Variants in PLEKHG1 observed in about 807,000 individuals in gnomAD.
The protein encoded by PLEKHG1 is pleckstrin homology and RhoGEF domain containing G1.
PLEKHG1 carries 44 observed loss-of-function variants against 100.8 expected under a neutral mutation model. That is an observed-to-expected ratio of 0.44 (90% CI 0.34 to 0.56). PLEKHG1 has a LOEUF of 0.56. Among genes scored for constraint, PLEKHG1 ranks in the 20% least tolerant of loss-of-function variants. PLEKHG1 has a pLI of 0.01. For missense variants in PLEKHG1, 1,545 were observed against 1,720.9 expected, an observed-to-expected ratio of 0.90 and a Z score of 1.81; for synonymous variants, 640 against 662.5, an observed-to-expected ratio of 0.97 and a Z score of 0.52.
chr6:150,830,759 C>A (rs150050788), exon 15 of PLEKHG1: 32 of 1,614,026 alleles, frequency 2.0e-5, no homozygotes, highest in Non-Finnish European at 2.6e-5. Flanking sequence ...ACGGTCCCCG[C>A]AGGAGAATGA....
At chr6:150,719,477 G>T (rs1394879341), upstream of PLEKHG1, among the ~76,000 whole-genome samples, 1 of 152,144 alleles carries the variant, frequency 6.6e-6, no homozygotes, top group African/African-American at 2.4e-5. Context: ...GTATAGGAAG[G>T]TTCCCTGCCC....
chr6:150,753,203 G>A (rs1478241011), intron 2 of PLEKHG1, among the ~76,000 whole-genome samples: 35 of 152,090 alleles, frequency 2.3e-4, no homozygotes, highest in Admixed American at 1.6e-3. Context: ...CCCCACCCCC[G>A]TAAAGTAGAC....
rs889195551 is a variant in PLEKHG1, at chr6:150,600,317, G to GGT, written c.-204+301_-204+302dup. ...TGCTGCCCGCCGCCGCCCCGCTTGG[G>GGT]GTTCCGCGCCCCCAAGTTCCCGGTG... On this transcript the variant is annotated intron_variant, in intron 1 of 3. Transcript: ENST00000367326. The surrounding 1 kb of genome is among the most constrained non-coding windows in gnomAD (Gnocchi z 6.2). Among the ~76,000 whole-genome samples, 4 of 151,926 alleles carry GGT rather than the reference G, an allele frequency of 2.6e-5. No individual in the cohort carries two copies. Among genetic ancestry groups the GGT allele is most frequent in the African/African-American group, 9.7e-5 (4 of 41,396 alleles).
intron 1 of PLEKHG1, among the ~76,000 whole-genome samples, chr6:150,608,509 A>G (rs1213042710): frequency 6.6e-6 from 1 of 152,258 alleles, no homozygotes; most frequent in African/African-American, 2.4e-5. Flanking sequence ...ACAGCTAGCA[A>G]TAACTATTCT....
exon 15 of PLEKHG1, chr6:150,830,824 G>C (rs1475812198): frequency 6.2e-7 from 1 of 1,614,050 alleles, no homozygotes; most frequent in African/African-American, 1.3e-5. Context: ...CCTCAGATCT[G>C]AACTCTACCA....
chr6:150,830,542 TG>T, intron 14 of PLEKHG1, 39 bp from the exon 16 acceptor site: 1 of 1,429,116 alleles, frequency 7.0e-7, no homozygotes, highest in Non-Finnish European at 9.6e-7. Context: ...GTCTTCTCCA[TG>T]GTGCTGTGAT....
chr6:150,774,226 A>G (rs1466322077), intron 3 of PLEKHG1, among the ~76,000 whole-genome samples: 3 of 152,158 alleles, frequency 2.0e-5, no homozygotes, highest in Admixed American at 1.3e-4. Flanking sequence ...CCTATACAAT[A>G]TTGTTTAGAC....
chr6:150,768,458 G>A lies in PLEKHG1; in HGVS notation c.412-180G>A, dbSNP rs56102099. 7.2e-3 allele frequency among the ~76,000 whole-genome samples: 1,089 copies of A among 152,272 alleles called. 11 individuals are homozygous for A. The highest frequency in any genetic ancestry group is 0.025 in the African/African-American group (1,039 of 41,538). ...CTCTTTCTCTTTCCTAAAACTCTTCGTTCTATAAATAGGTGAGTATTAGGG... is the reference window on the plus strand; with the variant it reads ...CTCTTTCTCTTTCCTAAAACTCTTCATTCTATAAATAGGTGAGTATTAGGG... On this transcript the variant is annotated intron_variant, in intron 2 of 15. Transcript: ENST00000358517.
At chr6:150,814,870 C>G (rs894814813) in intron 10 of PLEKHG1, among the ~76,000 whole-genome samples, 1 of 152,102 alleles carries the variant, frequency 6.6e-6, no homozygotes, top group African/African-American at 2.4e-5. Context: ...CAGGCGCACA[C>G]CACCACACCT....
In PLEKHG1 at chr6:150,754,879, G is replaced by A. The variant is rs539642012; in HGVS notation, c.412-13759G>A. ...GAGACAGGATTTCTCTGTGCTGGTCGGGCTAGTCTCAAACTCCCGACCTCA... is the reference window on the plus strand; with the variant it reads ...GAGACAGGATTTCTCTGTGCTGGTCAGGCTAGTCTCAAACTCCCGACCTCA... On this transcript the variant is annotated intron_variant, in intron 2 of 15. Coordinates refer to ENST00000358517, the Ensembl canonical transcript of PLEKHG1. 1.2e-4 allele frequency among the ~76,000 whole-genome samples: 18 copies of A among 152,092 alleles called. No homozygotes were observed. In the South Asian group the frequency reaches 3.3e-3, roughly 28 times the overall value.
chr6:150,839,407 C>G (rs1022663233), intron 15 of PLEKHG1, among the ~76,000 whole-genome samples: 1 of 152,268 alleles, frequency 6.6e-6, no homozygotes, highest in African/African-American at 2.4e-5. Context: ...TGAGCTATTA[C>G]GCCCAGCCCT....
intron 1 of PLEKHG1, among the ~76,000 whole-genome samples, chr6:150,630,579 G>A (rs1030050514): frequency 3.3e-4 from 51 of 152,292 alleles, no homozygotes; most frequent in African/African-American, 9.9e-4. Flanking sequence ...GGTTAGCAAC[G>A]GGGAGAAACT....
chr6:150,817,409 G>A (rs1428880900), intron 10 of PLEKHG1, among the ~76,000 whole-genome samples: 1 of 152,126 alleles, frequency 6.6e-6, no homozygotes, highest in Non-Finnish European at 1.5e-5. Context: ...ACAACAATGA[G>A]AGGAAACTTC....
chr6:150,763,695 A>G (rs1379644993), intron 2 of PLEKHG1, among the ~76,000 whole-genome samples: 2 of 152,136 alleles, frequency 1.3e-5, no homozygotes, highest in African/African-American at 4.8e-5. Flanking sequence ...CAGAGGAGAG[A>G]AGCCAATGGG....
intron 6 of PLEKHG1, among the ~76,000 whole-genome samples, chr6:150,801,870 G>A (rs987003600): frequency 3.3e-5 from 5 of 152,218 alleles, no homozygotes; most frequent in African/African-American, 9.6e-5. Context: ...ACAGCAGAGT[G>A]GTTAGAAACA....
chr6:150,615,466 T>G (rs1388716106), intron 1 of PLEKHG1, among the ~76,000 whole-genome samples: 1 of 152,246 alleles, frequency 6.6e-6, no homozygotes, highest in Non-Finnish European at 1.5e-5. Context: ...TCCCTTGGCC[T>G]TCTTTACTCC....
intron 3 of PLEKHG1, among the ~76,000 whole-genome samples, chr6:150,693,454 A>G (rs1396742051): frequency 6.6e-6 from 1 of 152,032 alleles, no homozygotes; most frequent in Non-Finnish European, 1.5e-5. Context: ...GCTTCCTTCT[A>G]CCCTTTGAAT....
Position 150,831,504 on chromosome 6 carries a change from C to G in PLEKHG1, c.2393C>G (p.Pro798Arg). 1 of 1,614,136 alleles carries G rather than the reference C, an allele frequency of 6.2e-7. No individual in the cohort carries two copies. Among genetic ancestry groups the G allele is most frequent in the African/African-American group, 1.3e-5 (1 of 75,066 alleles). ...CTCCAGCTCAGTGAGGACGAAGCCC[C>G]TTACCATCAGGCCACTCCCGATCAT... Residue 798 changes from proline to arginine, a missense_variant, in exon 15 of 16, where the codon CCT (proline) becomes CGT (arginine). By Grantham distance (103) the Pro-to-Arg change is moderately radical (BLOSUM62 -2). Transcript: ENST00000358517. This position sits in a 1 kb window ranked among gnomAD's most constrained non-coding sequence, Gnocchi z 4.1.
In PLEKHG1 at chr6:150,713,439, A is replaced by G. The variant is rs139613098; in HGVS notation, c.-98-20145A>G. ...GGAGACCAAGTGAATATCAGTGCAA[A>G]CCACCCACGTCAGTTCTAGAAAGCA... On this transcript the variant is annotated intron_variant, in intron 3 of 3. Transcript: ENST00000367326. Among the ~76,000 whole-genome samples, 1,059 of 152,180 alleles carry G rather than the reference A, an allele frequency of 7.0e-3. 11 individuals carry two copies. The highest frequency in any genetic ancestry group is 0.024 in the African/African-American group (1,008 of 41,518).
Sources: gnomAD v4.1 joint callset for allele counts (sites outside exome capture counted in the v4.1 genomes callset) on GRCh38, gnomAD v4.1.1 for gene constraint, Gnocchi (gnomAD v3.1) non-coding constraint, MANE v1.5 for transcripts, NCBI Gene and HGNC (gene_info 2026-07-23, HGNC 2026-07-21) for gene names.